TSPO: variants seen among roughly 807,000 people sequenced by gnomAD.
TSPO encodes the protein translocator protein, also known as benzodiazepine peripheral binding site.
TSPO carries 14 observed loss-of-function variants against 13.9 expected under a neutral mutation model. That is an observed-to-expected ratio of 1.01 (90% confidence interval 0.67 to 1.58). The LOEUF (loss-of-function observed/expected upper bound fraction) is 1.58. Among genes scored for constraint, TSPO ranks in the 40% most tolerant of loss-of-function variants. The pLI, the probability that TSPO is intolerant of heterozygous loss-of-function variation, is 0.00. For synonymous variants in TSPO, 114 were observed against 105.9 expected, an observed-to-expected ratio of 1.08 and a Z score of -0.47; for missense variants, 232 against 229.6, an observed-to-expected ratio of 1.01 and a Z score of -0.07.
intron 1 of TSPO, among the ~76,000 whole-genome samples, chr22:43,158,643 T>A (rs1293169433): frequency 6.6e-5 from 10 of 152,132 alleles, no homozygotes; most frequent in Admixed American, 6.5e-4. Context: ...TGTAGAGACC[T>A]TCCTTGCTGC....
intron 3 of TSPO, among the ~76,000 whole-genome samples, chr22:43,161,585 T>G (rs1185684795): frequency 6.6e-6 from 1 of 151,968 alleles, no homozygotes; most frequent in Admixed American, 6.6e-5. Context: ...CCTCCTGGGT[T>G]CAAGTGATTC....
chr22:43,152,829 G>C (rs963653446), intron 1 of TSPO, among the ~76,000 whole-genome samples: 1 of 152,206 alleles, frequency 6.6e-6, no homozygotes, highest in East Asian at 1.9e-4. Flanking sequence ...TTTCCTGGGA[G>C]TGTGTGTGTG....
At chr22:43,154,911 G>A (rs573080130) in intron 1 of TSPO, among the ~76,000 whole-genome samples, 30 of 152,150 alleles carry the variant, frequency 2.0e-4, no homozygotes, top group Non-Finnish European at 3.7e-4. Flanking sequence ...TGCCGCGGCA[G>A]GTGGAGAGAG....
Position 43,159,308 on chromosome 22 carries a change from C to A in TSPO, c.70C>A (p.Arg24Ser), listed in dbSNP as rs1183984026. 6.4e-7 allele frequency: 1 copy of A among 1,551,412 alleles called. No homozygotes were observed. Among genetic ancestry groups the A allele is most frequent in the East Asian group, 2.4e-5 (1 of 41,108 alleles). Residue 24 changes from arginine (R) to serine (S), a missense_variant, in exon 2 of 4, where the codon CGC becomes AGC. Arg to Ser is a moderately radical substitution (Grantham distance 110). Coordinates refer to ENST00000337554, the MANE Select transcript of TSPO (RefSeq NM_000714.6). ...APSLGCFVGS[R>S]FVHGEGLRWY... ...CAGCCTGGGGTGCTTCGTGGGCTCC[C>A]GCTTTGTCCACGGCGAGGGTCTCCG...
chr22:43,163,081 C>T lies in TSPO; in HGVS notation c.*90C>T. The T allele has an allele frequency of 1.9e-6, 3 of 1,539,742 alleles. No homozygotes were observed. The highest frequency in any genetic ancestry group is 2.5e-5 in the South Asian group (2 of 81,134). ...CGTCACGCTTTCATGACCACTGGGC[C>T]TGCTAGTCTGTCAGGGCCTTGGCCC... On this transcript the variant is annotated 3_prime_UTR_variant, in exon 4 of 4. Coordinates refer to ENST00000337554, the MANE Select transcript of TSPO (RefSeq NM_000714.6).
Position 43,161,173 on chromosome 22 carries a change from G to A in TSPO, c.304G>A (p.Ala102Thr), listed in dbSNP as rs760110771. 3.1e-6 allele frequency: 5 copies of A among 1,613,334 alleles called. No individual in the cohort carries two copies. The highest frequency in any genetic ancestry group is 2.7e-5 in the African/African-American group (2 of 75,048). Reference protein sequence around the residue: ...NWAWPPIFFGARQMGWALVDL... With the variant: ...NWAWPPIFFGTRQMGWALVDL... Reference sequence around the variant, plus strand: ...GGCATGGCCCCCCATCTTCTTTGGTGCCCGACAAATGGGCTGGGTAAGTGT... The same window carrying A: ...GGCATGGCCCCCCATCTTCTTTGGTACCCGACAAATGGGCTGGGTAAGTGT... Residue 102 changes from alanine to threonine, a missense_variant, in exon 3 of 4, where the codon GCC becomes ACC. Transcript: ENST00000337554.
rs746491832 is a variant in TSPO, at chr22:43,163,057, G to T, written c.*66G>T. On this transcript the variant is annotated 3_prime_UTR_variant, in exon 4 of 4. Coordinates refer to ENST00000337554, the MANE Select transcript of TSPO (RefSeq NM_000714.6). ...CCATCACGCTTGTGATGTGGTGGCCGTCACGCTTTCATGACCACTGGGCCT... is the reference window on the plus strand; with the variant it reads ...CCATCACGCTTGTGATGTGGTGGCCTTCACGCTTTCATGACCACTGGGCCT... 8 of 1,559,470 alleles carry T rather than the reference G, an allele frequency of 5.1e-6. No homozygotes were observed. Among genetic ancestry groups the T allele is most frequent in the Non-Finnish European group, 6.1e-6 (7 of 1,152,460 alleles).
At chr22:43,155,088 A>G (rs1253608084) in intron 1 of TSPO, among the ~76,000 whole-genome samples, 1 of 151,060 alleles carries the variant, frequency 6.6e-6, no homozygotes, top group Non-Finnish European at 1.5e-5. Flanking sequence ...CGCGGCCCAG[A>G]GCAGCCCGGC....
intron 1 of TSPO, among the ~76,000 whole-genome samples, chr22:43,155,855 C>G (rs1337890085): frequency 1.3e-5 from 2 of 152,240 alleles, no homozygotes; most frequent in Non-Finnish European, 1.5e-5. Flanking sequence ...TGCCCCCTGG[C>G]CTGGCCCACC....
In TSPO at chr22:43,161,133, GCTGGCCCTGAA is replaced by G; in HGVS notation, c.269_279del (p.Ala90GlyfsTer104). 1 of 1,614,172 alleles carries G rather than the reference GCTGGCCCTGAA, an allele frequency of 6.2e-7. No homozygotes were observed. Among genetic ancestry groups the G allele is most frequent in the Non-Finnish European group, 8.5e-7 (1 of 1,179,998 alleles). ...TTCCCCTGGGCCTCTACACTGGGCA[GCTGGCCCTGAA>G]CTGGGCATGGCCCCCCATCTTCTTT... On this transcript the variant is annotated frameshift_variant, in exon 3 of 4. Transcript: ENST00000337554. LOFTEE classifies it high-confidence loss of function.
At chr22:43,155,514 G>A (rs757422738) in intron 1 of TSPO, among the ~76,000 whole-genome samples, 5 of 152,328 alleles carry the variant, frequency 3.3e-5, no homozygotes, top group Admixed American at 1.3e-4. Context: ...ATAAGGTCTC[G>A]TCACAGGTCC....
chr22:43,163,062 G>C lies in TSPO; in HGVS notation c.*71G>C. 6.4e-7 allele frequency: 1 copy of C among 1,556,266 alleles called. No homozygotes were observed. Among genetic ancestry groups the C allele is most frequent in the Non-Finnish European group, 8.7e-7 (1 of 1,150,796 alleles). ...ACGCTTGTGATGTGGTGGCCGTCAC[G>C]CTTTCATGACCACTGGGCCTGCTAG... is the stretch of plus-strand genomic sequence containing the variant. On this transcript the variant is annotated 3_prime_UTR_variant, in exon 4 of 4. Transcript: ENST00000337554.
chr22:43,162,875 C>A lies in TSPO; in HGVS notation c.394C>A (p.Leu132Met). The A allele has an allele frequency of 6.3e-7, 1 of 1,578,048 alleles. No homozygotes were observed. ...CGTGGCCTGGTACCAGGTGAGCCCGCTGGCCGCCCGCCTGCTCTACCCCTA... is the reference window on the plus strand; with the variant it reads ...CGTGGCCTGGTACCAGGTGAGCCCGATGGCCGCCCGCCTGCTCTACCCCTA... Reference protein sequence around the residue: ...TTVAWYQVSPLAARLLYPYLA... With the variant: ...TTVAWYQVSPMAARLLYPYLA... The change falls in exon 4 of 4, where the codon CTG becomes ATG. Residue 132 changes from leucine (L) to methionine (M), a missense_variant. Physicochemically the swap from Leu to Met is conservative, Grantham distance 15. Coordinates refer to ENST00000337554, the MANE Select transcript of TSPO (RefSeq NM_000714.6).
In TSPO at chr22:43,161,196, T is replaced by G. The variant is rs769743065; in HGVS notation, c.321+6T>G. On this transcript the variant is annotated splice_donor_region_variant and intron_variant, in intron 3 of 3. Transcript: ENST00000337554. ...GTGCCCGACAAATGGGCTGGGTAAG[T>G]GTGGCCACAGCATGTGTCCCTGATC... 108 of 1,610,550 alleles carry G rather than the reference T, an allele frequency of 6.7e-5. No homozygotes were observed. The highest frequency in any genetic ancestry group is 9.1e-5 in the Non-Finnish European group (107 of 1,177,896).
At chr22:43,155,654 C>T (rs1377668156) in intron 1 of TSPO, among the ~76,000 whole-genome samples, 1 of 152,184 alleles carries the variant, frequency 6.6e-6, no homozygotes, top group Non-Finnish European at 1.5e-5. Context: ...CTTGAGCTAC[C>T]CCAGCCCCCC....
rs1334067614 is a variant in TSPO at position 43,159,399 on chromosome 22, G to A, written c.161G>A (p.Gly54Asp). 8.5e-6 allele frequency: 13 copies of A among 1,533,392 alleles called. No individual in the cohort carries two copies. Among genetic ancestry groups the A allele is most frequent in the Non-Finnish European group, 1.1e-5 (12 of 1,140,968 alleles). 95.0% of individuals were successfully genotyped at this position (1,533,392 alleles called of 1,614,324 possible). Residue 54 changes from glycine (G) to aspartate (D), a missense_variant, in exon 2 of 4, where the codon GGC becomes GAC. Physicochemically the swap from Gly to Asp is moderately conservative, Grantham distance 94 (BLOSUM62 -1). Transcript: ENST00000337554. ...PPHWVLGPVWGTLYSAMGYGS... is the reference protein window; with the variant it reads ...PPHWVLGPVWDTLYSAMGYGS... ...CACTGGGTGCTGGGCCCTGTCTGGG[G>A]CACGCTCTACTCAGCCATGGGGTAG...
chr22:43,157,523 C>A (rs1364159714), intron 1 of TSPO, among the ~76,000 whole-genome samples: 1 of 152,128 alleles, frequency 6.6e-6, no homozygotes, highest in Non-Finnish European at 1.5e-5. Flanking sequence ...CTGCTGGATG[C>A]CTGACACTCT....
chr22:43,159,464 C>G, intron 2 of TSPO, 44 bp downstream of exon 2: 1 of 1,402,702 alleles, frequency 7.1e-7, no homozygotes, highest in Non-Finnish European at 9.3e-7. Flanking sequence ...TGGCCCTTTG[C>G]AAGGGGAGGC....
In TSPO at chr22:43,161,084, G is replaced by A. The variant is rs1569480442; in HGVS notation, c.215G>A (p.Gly72Glu). The part of the protein sequence containing the change: ...YGSYLVWKEL[G>E]GFTEKAVVPL... ...TCCTACCTGGTCTGGAAAGAGCTGG[G>A]AGGCTTCACAGAGAAGGCTGTGGTT... Residue 72 changes from glycine to glutamate, a missense_variant, in exon 3 of 4, where the codon GGA becomes GAA. Gly to Glu is a moderately conservative substitution (Grantham distance 98). Transcript: ENST00000337554. 3 of 1,614,150 alleles carry A rather than the reference G, an allele frequency of 1.9e-6. No homozygotes were observed. The highest frequency in any genetic ancestry group is 2.5e-6 in the Non-Finnish European group (3 of 1,179,990).
Sources: gnomAD v4.1 joint callset for allele counts (sites outside exome capture counted in the v4.1 genomes callset) on GRCh38, gnomAD v4.1.1 for gene constraint, MANE v1.5 for transcripts, NCBI Gene and HGNC (gene_info 2026-07-23, HGNC 2026-07-21) for gene names.